The following COL26A1 variants were observed in gnomAD, a reference collection of about 807,000 sequenced individuals.
COL26A1 encodes the protein collagen type XXVI alpha 1 chain, also known as collagen alpha-1(XXVI) chain.
Under a neutral mutation model 59.3 loss-of-function variants are expected in COL26A1, and 41 were observed. The ratio of observed to expected loss-of-function variants is 0.69; its 90% CI spans 0.54 to 0.90. The LOEUF (loss-of-function observed/expected upper bound fraction) is 0.90, where lower values mean the gene tolerates loss of function less well. Among genes scored for constraint, COL26A1 ranks in the 40% least tolerant of loss-of-function variants. The probability of loss-of-function intolerance (pLI) is 0.00; values close to 1 mark genes in which losing one functional copy is unlikely to be tolerated. For synonymous variants in COL26A1, 266 were observed against 256.0 expected, an observed-to-expected ratio of 1.04 and a Z score of -0.37; for missense variants, 612 against 602.3, an observed-to-expected ratio of 1.02 and a Z score of -0.17.
rs112368305 is a variant in COL26A1 at position 101,517,211 on chromosome 7, G to A, written c.386-15871G>A. On this transcript the variant is annotated intron_variant, in intron 3 of 12. Coordinates refer to ENST00000313669, the MANE Select transcript of COL26A1 (RefSeq NM_001278563.3). ...AAATGCCACCAAGCAGGTAGCTTCCGTGTGAGCGCAGTATTCCCCAGAGAT... is the reference window on the plus strand; with the variant it reads ...AAATGCCACCAAGCAGGTAGCTTCCATGTGAGCGCAGTATTCCCCAGAGAT... 7.2e-3 allele frequency among the ~76,000 whole-genome samples: 1,094 copies of A among 152,270 alleles called. 15 individuals are homozygous for A. Among genetic ancestry groups the A allele is most frequent in the African/African-American group, 0.022 (933 of 41,550 alleles).
intron 3 of COL26A1, among the ~76,000 whole-genome samples, chr7:101,503,057 T>A (rs979383567): frequency 6.6e-6 from 1 of 152,132 alleles, no homozygotes; most frequent in Non-Finnish European, 1.5e-5. Flanking sequence ...CATCTACCAT[T>A]GTGAAGAATA....
chr7:101,541,607 TC>T (rs1795619505), intron 5 of COL26A1, among the ~76,000 whole-genome samples: 1 of 152,020 alleles, frequency 6.6e-6, no homozygotes, highest in African/African-American at 2.4e-5. Flanking sequence ...TGCCTCGGCT[TC>T]CCAAAGTGCT....
At chr7:101,466,794 TGG>T (rs1491351490) in intron 3 of COL26A1, among the ~76,000 whole-genome samples, 1 of 66,454 alleles carries the variant, frequency 1.5e-5, no homozygotes, top group Non-Finnish European at 3.1e-5. Flanking sequence ...CGGCATGTTC[TGG>T]TGTGTGTGTG....
chr7:101,363,745 G>A (rs1453189090), intron 1 of COL26A1, among the ~76,000 whole-genome samples: 1 of 151,998 alleles, frequency 6.6e-6, no homozygotes, highest in African/African-American at 2.4e-5. Context: ...TCCGGGCTCC[G>A]AGTAGAGGTG....
intron 1 of COL26A1, among the ~76,000 whole-genome samples, chr7:101,391,712 G>C (rs991070008): frequency 2.6e-5 from 4 of 152,022 alleles, no homozygotes; most frequent in Non-Finnish European, 5.9e-5. Flanking sequence ...GTGCCACCAC[G>C]CCCGGCTAAT....
At chr7:101,424,203 A>G (rs1792589648) in intron 2 of COL26A1, among the ~76,000 whole-genome samples, 1 of 152,156 alleles carries the variant, frequency 6.6e-6, no homozygotes, top group Non-Finnish European at 1.5e-5. Flanking sequence ...CGTGTCTGAA[A>G]ATAAATAAAT....
intron 5 of COL26A1, among the ~76,000 whole-genome samples, chr7:101,540,517 G>C (rs1279479291): frequency 6.8e-6 from 1 of 147,292 alleles, no homozygotes; most frequent in East Asian, 1.9e-4. Context: ...CAGCCTGGGG[G>C]ACAAGAGCAA....
At chr7:101,494,790 C>T (rs145119249) in intron 3 of COL26A1, among the ~76,000 whole-genome samples, 25 of 152,326 alleles carry the variant, frequency 1.6e-4, no homozygotes, top group Admixed American at 3.3e-4. Context: ...ATGGTATGAA[C>T]GTGACTTGGC....
At chr7:101,448,597 A>G (rs1419985282) in intron 3 of COL26A1, among the ~76,000 whole-genome samples, 1 of 151,586 alleles carries the variant, frequency 6.6e-6, no homozygotes, top group East Asian at 1.9e-4. Flanking sequence ...GGCTCAATTG[A>G]TCCTCCCACT....
intron 1 of COL26A1, among the ~76,000 whole-genome samples, chr7:101,389,460 A>G (rs966226184): frequency 1.3e-5 from 2 of 149,206 alleles, no homozygotes; most frequent in African/African-American, 2.5e-5. Context: ...GCTCACTGCA[A>G]CCTCTGCCTC....
At chr7:101,499,195 C>T (rs1295876214) in intron 3 of COL26A1, among the ~76,000 whole-genome samples, 2 of 152,098 alleles carry the variant, frequency 1.3e-5, no homozygotes, top group Non-Finnish European at 2.9e-5. Flanking sequence ...ACAGCCTCGA[C>T]CTTCTGCATC....
intron 3 of COL26A1, among the ~76,000 whole-genome samples, chr7:101,495,969 C>T (rs1794577529): frequency 6.6e-6 from 1 of 151,976 alleles, no homozygotes; most frequent in Admixed American, 6.6e-5. Flanking sequence ...CGGTACCAGC[C>T]ACTTGGGAGG....
chr7:101,526,768 A>G (rs1299655320), intron 3 of COL26A1, among the ~76,000 whole-genome samples: 1 of 152,064 alleles, frequency 6.6e-6, no homozygotes, highest in Non-Finnish European at 1.5e-5. Context: ...GCCGAGGAGG[A>G]GGTCACCGGT....
Position 101,545,331 on chromosome 7 carries a change from A to G in COL26A1, c.704-7A>G. ...TGCCACAGTGACTGTTCTTTTCCTCATTGCAGGGCTCCTGGGGCCTCCAGG... is the reference window on the plus strand; with the variant it reads ...TGCCACAGTGACTGTTCTTTTCCTCGTTGCAGGGCTCCTGGGGCCTCCAGG... On this transcript the variant is annotated splice_region_variant and splice_polypyrimidine_tract_variant and intron_variant, in intron 6 of 12. Coordinates refer to ENST00000313669, the MANE Select transcript of COL26A1 (RefSeq NM_001278563.3). 2 of 1,554,802 alleles carry G rather than the reference A, an allele frequency of 1.3e-6. No individual in the cohort carries two copies. Among genetic ancestry groups the G allele is most frequent in the South Asian group, 1.2e-5 (1 of 83,966 alleles).
chr7:101,483,336 T>C (rs1794195642), intron 3 of COL26A1, among the ~76,000 whole-genome samples: 1 of 151,510 alleles, frequency 6.6e-6, no homozygotes. Flanking sequence ...TAGCTGGGAT[T>C]ACAGGCACAT....
In COL26A1 at chr7:101,453,101, C is replaced by T. The variant is rs567978918; in HGVS notation, c.385+5314C>T. On this transcript the variant is annotated intron_variant, in intron 3 of 12. Coordinates refer to ENST00000313669, the MANE Select transcript of COL26A1 (RefSeq NM_001278563.3). Reference sequence around the variant, plus strand: ...GGGGGTGGGGGAGCAGACGTGGTGGCTCACGTTTGTAATCCCAGCACTTTG... The same window carrying T: ...GGGGGTGGGGGAGCAGACGTGGTGGTTCACGTTTGTAATCCCAGCACTTTG... 2.6e-5 allele frequency among the ~76,000 whole-genome samples: 4 copies of T among 152,264 alleles called. No homozygotes were observed. In the South Asian group the frequency reaches 8.3e-4, roughly 32 times the overall value.
At chr7:101,518,411 C>A (rs1795074861) in intron 3 of COL26A1, among the ~76,000 whole-genome samples, 1 of 152,158 alleles carries the variant, frequency 6.6e-6, no homozygotes, top group East Asian at 1.9e-4. Flanking sequence ...CCCTTTGAAC[C>A]TTGACCTTGG....
At chr7:101,390,108 G>GCTTTT (rs142665737) in intron 1 of COL26A1, among the ~76,000 whole-genome samples, 8,924 of 143,590 alleles carry the variant, frequency 0.062, 642 homozygotes, top group African/African-American at 0.17. Context: ...GTGTCATGAA[G>GCTTTT]CTTTTAAGAG....
rs1245834838 is a variant in COL26A1 at position 101,558,342 on chromosome 7, C to T, written c.*812C>T. The T allele has an allele frequency of 6.6e-6, 1 of 152,302 alleles. No homozygotes were observed. The highest frequency in any genetic ancestry group is 1.9e-4 in the East Asian group (1 of 5,190). 9.4% of individuals were successfully genotyped at this position (152,302 alleles called of 1,614,324 possible). A position where few individuals can be genotyped will look rare whatever the true frequency, so the allele number is the denominator to read the frequency against. The stretch of plus-strand genomic sequence containing the variant: ...TGTCCACCAAACCAGATAGGCATCC[C>T]TGGCCACTGCCTCCCAGTCTTGCTG... On this transcript the variant is annotated 3_prime_UTR_variant, in exon 13 of 13. Transcript: ENST00000313669.
Sources: gnomAD v4.1 joint callset for allele counts (sites outside exome capture counted in the v4.1 genomes callset) on GRCh38, gnomAD v4.1.1 for gene constraint, MANE v1.5 for transcripts, NCBI Gene and HGNC (gene_info 2026-07-23, HGNC 2026-07-21) for gene names.